Variants in MACROD2 observed in about 807,000 individuals in gnomAD.
The protein encoded by MACROD2 is ADP-ribose glycohydrolase MACROD2.
In MACROD2, 36 loss-of-function variants were observed where a neutral mutation model predicts 70.4. That is an observed-to-expected ratio of 0.51 (90% CI 0.39 to 0.68). The LOEUF (loss-of-function observed/expected upper bound fraction) is 0.68. MACROD2 is among the 30% of genes least tolerant of loss of function. The pLI is 0.00. For synonymous variants in MACROD2, 172 were observed against 178.8 expected (o/e 0.96, Z 0.30); for missense variants, 496 against 538.4 (o/e 0.92, Z 0.78).
intron 5 of MACROD2, among the ~76,000 whole-genome samples, chr20:15,165,184 G>A (rs1474746135): frequency 1.3e-5 from 2 of 152,152 alleles, no homozygotes; most frequent in East Asian, 1.9e-4. Context: ...GGCTGGGTAC[G>A]GTGGCTTACG....
intron 5 of MACROD2, among the ~76,000 whole-genome samples, chr20:15,051,506 A>G (rs2075441008): frequency 6.6e-6 from 1 of 151,912 alleles, no homozygotes; most frequent in Non-Finnish European, 1.5e-5. Context: ...CCGAAGCCGC[A>G]GTCTACACAT....
chr20:15,805,627 C>G (rs1322696885), intron 8 of MACROD2, among the ~76,000 whole-genome samples: 1 of 152,084 alleles, frequency 6.6e-6, no homozygotes, highest in Non-Finnish European at 1.5e-5. Context: ...CAGGCATGTG[C>G]CACCACGCCC....
chr20:14,523,408 G>A (rs1015110343), intron 4 of MACROD2: 1 of 152,132 alleles, frequency 6.6e-6, no homozygotes, highest in Admixed American at 6.5e-5. Context: ...ATCACCTGTG[G>A]GTTCAGAATC....
At chr20:15,544,673 G>A (rs1002981430) in intron 8 of MACROD2, among the ~76,000 whole-genome samples, 4 of 152,178 alleles carry the variant, frequency 2.6e-5, no homozygotes, top group African/African-American at 9.7e-5. Context: ...ACTTCTGCAT[G>A]CACGCCAGCC....
Position 15,759,153 on chromosome 20 carries a change from A to AAAAC in MACROD2, c.646-103589_646-103588insCAAA, listed in dbSNP as rs1167179118. 7.6e-3 allele frequency among the ~76,000 whole-genome samples: 1,146 copies of AAAAC among 150,320 alleles called. 28 individuals carry two copies. Among genetic ancestry groups the AAAAC allele is most frequent in the African/African-American group, 0.027 (1,084 of 40,632 alleles). On this transcript the variant is annotated intron_variant, in intron 8 of 17. Transcript: ENST00000684519. ...AGAGCAAGACTCCATCTCAAAAAAA[A>AAAAC]AAAAAAAAAAAAACAGAAATGGACC...
At chr20:15,810,355 T>C (rs1254630654) in intron 8 of MACROD2, among the ~76,000 whole-genome samples, 2 of 151,612 alleles carry the variant, frequency 1.3e-5, no homozygotes, top group Non-Finnish European at 2.9e-5. Flanking sequence ...AGCAGCATGA[T>C]TTATAGTCCT....
chr20:15,967,868 T>G (rs1190443726), intron 13 of MACROD2, among the ~76,000 whole-genome samples: 5 of 152,164 alleles, frequency 3.3e-5, no homozygotes, highest in African/African-American at 1.2e-4. Flanking sequence ...TTTTGTTTAT[T>G]GTTACTTGTC....
chr20:15,880,270 CT>C (rs1179460778), intron 9 of MACROD2, among the ~76,000 whole-genome samples: 1 of 152,066 alleles, frequency 6.6e-6, no homozygotes, highest in Non-Finnish European at 1.5e-5. Flanking sequence ...TCAGATAACT[CT>C]TCCTTTGGCC....
At chr20:14,727,320 C>T (rs1294831089) in intron 5 of MACROD2, among the ~76,000 whole-genome samples, 9 of 152,018 alleles carry the variant, frequency 5.9e-5, no homozygotes, top group Admixed American at 5.9e-4. Flanking sequence ...CACTTGAGCC[C>T]AGGAGTCCAA....
chr20:15,981,097 A>G (rs1468287678), intron 13 of MACROD2, among the ~76,000 whole-genome samples: 1 of 152,216 alleles, frequency 6.6e-6, no homozygotes, highest in African/African-American at 2.4e-5. Flanking sequence ...TTTTATGGGC[A>G]GTAAAAAGAA....
intron 8 of MACROD2, among the ~76,000 whole-genome samples, chr20:15,850,518 G>C (rs1454640575): frequency 6.6e-6 from 1 of 152,202 alleles, no homozygotes. Context: ...GACTGTGTGG[G>C]CCCGCTTATC....
At chr20:14,172,884 C>T (rs1441972995) in intron 3 of MACROD2, among the ~76,000 whole-genome samples, 2 of 152,144 alleles carry the variant, frequency 1.3e-5, no homozygotes, top group African/African-American at 2.4e-5. Context: ...AAAAGACTAT[C>T]TTTCCTTCAT....
intron 5 of MACROD2, among the ~76,000 whole-genome samples, chr20:14,921,818 T>C (rs1310230815): frequency 1.3e-5 from 2 of 152,222 alleles, no homozygotes; most frequent in Non-Finnish European, 2.9e-5. Flanking sequence ...AGAAATTATT[T>C]ACTCAAACAT....
intron 2 of MACROD2, among the ~76,000 whole-genome samples, chr20:14,034,680 G>A (rs1338165430): frequency 6.6e-6 from 1 of 152,102 alleles, no homozygotes; most frequent in African/African-American, 2.4e-5. Context: ...TTTAACATTC[G>A]TCAGCCGTTT....
chr20:15,554,021 C>G (rs1320156208), intron 8 of MACROD2, among the ~76,000 whole-genome samples: 2 of 152,076 alleles, frequency 1.3e-5, no homozygotes, highest in African/African-American at 2.4e-5. Context: ...GCCAGCAAAA[C>G]AGGGATCAGA....
At chr20:15,987,217 A>G in intron 15 of MACROD2, 59 bp downstream of exon 15, 3 of 1,338,526 alleles carry the variant, frequency 2.2e-6, no homozygotes, top group Non-Finnish European at 3.1e-6. Flanking sequence ...ATTCCTGCCT[A>G]GAATTCAACC....
chr20:15,775,869 C>G (rs575587578), intron 8 of MACROD2, among the ~76,000 whole-genome samples: 2 of 152,144 alleles, frequency 1.3e-5, no homozygotes, highest in East Asian at 3.9e-4. Context: ...AATACTAGGG[C>G]AATTTGGTGA....
intron 8 of MACROD2, among the ~76,000 whole-genome samples, chr20:15,601,920 C>T (rs571380033): frequency 6.6e-6 from 1 of 151,960 alleles, no homozygotes; most frequent in East Asian, 1.9e-4. Context: ...CCCAGCTACT[C>T]GGGAGGCTGA....
chr20:15,910,735 A>C (rs1362839836), intron 10 of MACROD2, among the ~76,000 whole-genome samples: 1 of 152,162 alleles, frequency 6.6e-6, no homozygotes, highest in African/African-American at 2.4e-5. Flanking sequence ...AAAACTCCCA[A>C]GGTGTCGCCA....
Sources: allele counts gnomAD v4.1 joint callset (sites outside exome capture counted in the v4.1 genomes callset), GRCh38; gene constraint gnomAD v4.1.1; transcripts MANE v1.5; gene names NCBI Gene and HGNC (gene_info 2026-07-23, HGNC 2026-07-21).